Variants in NR6A1 observed in about 807,000 individuals in gnomAD.
NR6A1 encodes nuclear receptor subfamily 6 group A member 1, also known as retinoic acid receptor-related testis-associated receptor.
NR6A1 carries 7 observed loss-of-function variants against 59.1 expected under a neutral mutation model. That is an observed-to-expected ratio of 0.12 (90% CI 0.07 to 0.22). The LOEUF (loss-of-function observed/expected upper bound fraction) is 0.22, where lower values mean the gene tolerates loss of function less well. Ranked by LOEUF, NR6A1 falls within the 10% of genes least tolerant of loss-of-function variation. The pLI is 1.00. For missense variants in NR6A1, 468 were observed against 611.6 expected, an observed-to-expected ratio of 0.77 and a Z score of 2.48; for synonymous variants, 243 against 236.1, an observed-to-expected ratio of 1.03 and a Z score of -0.27.
intron 2 of NR6A1, among the ~76,000 whole-genome samples, chr9:124,710,653 T>C (rs1198077784): frequency 6.6e-6 from 1 of 152,224 alleles, no homozygotes; most frequent in Non-Finnish European, 1.5e-5. Flanking sequence ...TGCCTGTGAT[T>C]AAAAGCTACA....
At chr9:124,591,723 G>A (rs1835130399) in intron 2 of NR6A1, among the ~76,000 whole-genome samples, 1 of 152,142 alleles carries the variant, frequency 6.6e-6, no homozygotes, top group African/African-American at 2.4e-5. Flanking sequence ...AGTTAGCAAT[G>A]ACCTTTACAT....
At chr9:124,701,398 T>C (rs963806115) in intron 2 of NR6A1, among the ~76,000 whole-genome samples, 1 of 152,218 alleles carries the variant, frequency 6.6e-6, no homozygotes, top group Admixed American at 6.5e-5. Context: ...TTTATTGTAG[T>C]AAAATATACA....
At chr9:124,564,636 G>GT (rs1466525093) in intron 2 of NR6A1, among the ~76,000 whole-genome samples, 13 of 152,030 alleles carry the variant, frequency 8.6e-5, no homozygotes, top group Non-Finnish European at 1.6e-4. Context: ...AGTCATTACA[G>GT]TAGAGGTCTA....
Position 124,535,866 on chromosome 9 carries a change from A to G in NR6A1, c.1079+12T>C. On this transcript the variant is annotated intron_variant, in intron 7 of 9. Coordinates refer to ENST00000487099, the MANE Select transcript of NR6A1 (RefSeq NM_033334.4). ...GTTGTTTGGTATTTCCTCCCCAGCC[A>G]GGAGGCCTCACCTGTGTAGTTCTTC... The G allele has an allele frequency of 6.2e-7, 1 of 1,613,494 alleles. No individual in the cohort carries two copies. Among genetic ancestry groups the G allele is most frequent in the South Asian group, 1.1e-5 (1 of 91,050 alleles).
At chr9:124,722,069 C>A (rs1481413467) in intron 2 of NR6A1, among the ~76,000 whole-genome samples, 1 of 152,178 alleles carries the variant, frequency 6.6e-6, no homozygotes, top group African/African-American at 2.4e-5. Flanking sequence ...GTGGTAAAAG[C>A]CACATCATAT....
At chr9:124,545,700 T>A (rs113792517) in intron 3 of NR6A1, among the ~76,000 whole-genome samples, 1 of 152,364 alleles carries the variant, frequency 6.6e-6, no homozygotes, top group Non-Finnish European at 1.5e-5. Context: ...TATTAATAGT[T>A]CGGCTGTTAC....
Position 124,591,434 on chromosome 9 carries a change from G to A in NR6A1, c.143-36864C>T, listed in dbSNP as rs528215216. Reference sequence around the variant, plus strand: ...TTCTTTCTCCAACACCAGGAAGCCTGTAGCAAAGCCATATACGTAGCCAAG... The same window carrying A: ...TTCTTTCTCCAACACCAGGAAGCCTATAGCAAAGCCATATACGTAGCCAAG... On this transcript the variant is annotated intron_variant, in intron 2 of 9. Coordinates refer to ENST00000487099, the MANE Select transcript of NR6A1 (RefSeq NM_033334.4). Among the ~76,000 whole-genome samples the A allele has an allele frequency of 6.6e-5, 10 of 152,338 alleles. No homozygotes were observed. The East Asian group carries it at 1.9e-3, about 29-fold the overall frequency.
At chr9:124,719,693 C>T (rs182334998) in intron 2 of NR6A1, among the ~76,000 whole-genome samples, 26 of 152,154 alleles carry the variant, frequency 1.7e-4, no homozygotes, top group Admixed American at 1.5e-3. Context: ...CCGAGGTGCG[C>T]GGATTGCTTG....
At chr9:124,596,555 G>A (rs568427706) in intron 2 of NR6A1, among the ~76,000 whole-genome samples, 3 of 152,140 alleles carry the variant, frequency 2.0e-5, no homozygotes, top group Non-Finnish European at 4.4e-5. Flanking sequence ...CTTTTACAAA[G>A]CAAAAGTTAC....
At chr9:124,654,926 C>G (rs934127842) in intron 2 of NR6A1, among the ~76,000 whole-genome samples, 3 of 130,704 alleles carry the variant, frequency 2.3e-5, no homozygotes, top group African/African-American at 8.4e-5. Flanking sequence ...GCCAAACAAA[C>G]AGAATAAAGA....
At chr9:124,765,024 G>C (rs970073671) in intron 1 of NR6A1, among the ~76,000 whole-genome samples, 23 of 152,178 alleles carry the variant, frequency 1.5e-4, no homozygotes, top group Non-Finnish European at 2.6e-4. Flanking sequence ...TGCTTGAATA[G>C]CTTCTCTGGT....
At chr9:124,611,107 T>C (rs1196855456) in intron 2 of NR6A1, among the ~76,000 whole-genome samples, 2 of 151,684 alleles carry the variant, frequency 1.3e-5, no homozygotes, top group African/African-American at 4.8e-5. Context: ...GAGTTAAACA[T>C]GTTCAGTGTC....
chr9:124,596,423 G>A (rs560115537), intron 2 of NR6A1, among the ~76,000 whole-genome samples: 19 of 152,022 alleles, frequency 1.2e-4, no homozygotes, highest in African/African-American at 4.3e-4. Context: ...TTGTTTGCAG[G>A]GCTTACTTTA....
chr9:124,533,648 G>A (rs757424284), intron 7 of NR6A1, among the ~76,000 whole-genome samples: 1 of 151,700 alleles, frequency 6.6e-6, no homozygotes, highest in Non-Finnish European at 1.5e-5. Context: ...TTCATGGATA[G>A]GGGCACCTTT....
intron 2 of NR6A1, among the ~76,000 whole-genome samples, chr9:124,646,025 G>A (rs1007012568): frequency 6.6e-6 from 1 of 151,924 alleles, no homozygotes; most frequent in Non-Finnish European, 1.5e-5. Context: ...AAAAACATGG[G>A]TCAAAGAAGT....
intron 2 of NR6A1, among the ~76,000 whole-genome samples, chr9:124,616,402 C>CAAAAAAAAAA (rs71372978): frequency 1.5e-5 from 1 of 68,300 alleles, no homozygotes; most frequent in Non-Finnish European, 3.4e-5. Flanking sequence ...GACTCCATCT[C>CAAAAAAAAAA]AAAAAAAAAA....
chr9:124,575,524 A>G (rs552351359), intron 2 of NR6A1, among the ~76,000 whole-genome samples: 2 of 151,918 alleles, frequency 1.3e-5, no homozygotes, highest in Admixed American at 1.3e-4. Flanking sequence ...CAATGAGCCG[A>G]GATCACACCA....
chr9:124,747,001 G>GA (rs1436265240), intron 1 of NR6A1, among the ~76,000 whole-genome samples: 1 of 152,042 alleles, frequency 6.6e-6, no homozygotes, highest in Non-Finnish European at 1.5e-5. Flanking sequence ...GGGAAAACTA[G>GA]AAAAAAGTTA....
In NR6A1 at chr9:124,676,899, A is replaced by G. The variant is rs550364143; in HGVS notation, c.142+56409T>C. Among the ~76,000 whole-genome samples the G allele has an allele frequency of 3.3e-5, 5 of 152,316 alleles. No individual in the cohort carries two copies. The East Asian group carries it at 5.8e-4, about 18-fold the overall frequency. ...TAAAATTCGTGACTAGAGCAATCATATACTTAACAGAGCTAAGTGGTTACC... is the reference window on the plus strand; with the variant it reads ...TAAAATTCGTGACTAGAGCAATCATGTACTTAACAGAGCTAAGTGGTTACC... On this transcript the variant is annotated intron_variant, in intron 2 of 9. Transcript: ENST00000487099.
Sources: allele counts gnomAD v4.1 joint callset (sites outside exome capture counted in the v4.1 genomes callset), GRCh38; gene constraint gnomAD v4.1.1; transcripts MANE v1.5; gene names NCBI Gene and HGNC (gene_info 2026-07-23, HGNC 2026-07-21).